The following NBEA variants were observed in gnomAD, a reference collection of about 807,000 sequenced individuals.
NBEA encodes lysosomal-trafficking regulator 2.
Under a neutral mutation model 343.4 loss-of-function variants are expected in NBEA, and 44 were observed. The ratio of observed to expected loss-of-function variants is 0.13; its 90% CI spans 0.10 to 0.16. NBEA has a LOEUF of 0.16. Ranked by LOEUF, NBEA falls within the 10% of genes least tolerant of loss-of-function variation. NBEA has a pLI of 1.00. For synonymous variants in NBEA, 1,175 were observed against 1,238.7 expected, an observed-to-expected ratio of 0.95 and a Z score of 1.08; for missense variants, 2,555 against 3,631.3, an observed-to-expected ratio of 0.70 and a Z score of 7.62.
intron 34 of NBEA, among the ~76,000 whole-genome samples, chr13:35,234,527 G>T (rs928164729): frequency 6.6e-6 from 1 of 152,054 alleles, no homozygotes; most frequent in Non-Finnish European, 1.5e-5. Context: ...AATTAAATAG[G>T]ATATGTGCTA....
chr13:35,268,534 AT>A (rs1473730913), intron 34 of NBEA, among the ~76,000 whole-genome samples: 6 of 152,094 alleles, frequency 3.9e-5, no homozygotes, highest in Admixed American at 3.9e-4. Flanking sequence ...ACAGTAAAAT[AT>A]TGGAAAAAAT....
chr13:35,069,803 A>G, intron 8 of NBEA, 105 bp from the exon 9 acceptor site: 1 of 686,410 alleles, frequency 1.5e-6, no homozygotes, highest in African/African-American at 1.8e-5. Flanking sequence ...TGACACATGA[A>G]AGGTACACAA....
At chr13:35,185,821 A>G (rs1171726965) in intron 30 of NBEA, 2 of 152,156 alleles carry the variant, frequency 1.3e-5, no homozygotes, top group Non-Finnish European at 1.5e-5. Context: ...ACTATGGCAG[A>G]TTATCATAAC....
In NBEA at chr13:35,352,166, G is replaced by A; in HGVS notation, c.6022G>A (p.Ala2008Thr). The A allele has an allele frequency of 6.8e-7, 1 of 1,478,970 alleles. No individual in the cohort carries two copies. Among genetic ancestry groups the A allele is most frequent in the Non-Finnish European group, 9.0e-7 (1 of 1,104,978 alleles). The allele number at this position is 1,478,970 out of a possible 1,614,324, so 91.6% of individuals were successfully genotyped here. Residue 2008 changes from alanine (A) to threonine (T), a missense_variant, in exon 38 of 59, where the codon GCC (alanine) becomes ACC (threonine). By Grantham distance (58) the Ala-to-Thr change is moderately conservative. Transcript: ENST00000379939. Reference protein sequence around the residue: ...HKHAEFESQCAQYAADRREEE... With the variant: ...HKHAEFESQCTQYAADRREEE... ...TTGTATTTCTTTATAGTCACAGTGT[G>A]CCCAATATGCTGCTGATAGAAGAGA...
chr13:35,244,984 G>T (rs2030958138), intron 34 of NBEA, among the ~76,000 whole-genome samples: 1 of 152,050 alleles, frequency 6.6e-6, no homozygotes. Flanking sequence ...TCATTTATCA[G>T]TTCTAGGGGC....
intron 1 of NBEA, among the ~76,000 whole-genome samples, chr13:34,981,358 A>G (rs1208794485): frequency 6.6e-6 from 1 of 152,218 alleles, no homozygotes; most frequent in Admixed American, 6.6e-5. Context: ...GAACATTTGC[A>G]TCTAAGTCTT....
At chr13:35,239,434 A>G (rs979227805) in intron 34 of NBEA, among the ~76,000 whole-genome samples, 1 of 152,144 alleles carries the variant, frequency 6.6e-6, no homozygotes, top group Non-Finnish European at 1.5e-5. Context: ...TGGGGCAGTA[A>G]TTATGTTGGT....
intron 49 of NBEA, among the ~76,000 whole-genome samples, chr13:35,632,750 C>T (rs1250051337): frequency 6.6e-6 from 1 of 151,996 alleles, no homozygotes; most frequent in Non-Finnish European, 1.5e-5. Flanking sequence ...CCCACAACCG[C>T]ACCTGGCTAA....
chr13:35,006,950 G>A (rs988176389), intron 1 of NBEA, among the ~76,000 whole-genome samples: 2 of 152,148 alleles, frequency 1.3e-5, no homozygotes, highest in Non-Finnish European at 2.9e-5. Context: ...GACTTGTGTT[G>A]TCATCTGACT....
intron 39 of NBEA, among the ~76,000 whole-genome samples, chr13:35,434,305 G>T (rs1440415374): frequency 1.3e-5 from 2 of 151,960 alleles, no homozygotes; most frequent in African/African-American, 4.8e-5. Context: ...TTTTGAAATA[G>T]GTAAGAGGTG....
At chr13:34,996,826 A>G (rs1566140131) in intron 1 of NBEA, among the ~76,000 whole-genome samples, 1 of 152,178 alleles carries the variant, frequency 6.6e-6, no homozygotes, top group Non-Finnish European at 1.5e-5. Flanking sequence ...AATAGTATAC[A>G]TGCTCATTGC....
chr13:35,489,348 T>C (rs1399608502), intron 41 of NBEA, among the ~76,000 whole-genome samples: 1 of 151,898 alleles, frequency 6.6e-6, no homozygotes, highest in Non-Finnish European at 1.5e-5. Flanking sequence ...ACTCTTTCTG[T>C]GCTTTGAGGA....
intron 48 of NBEA, among the ~76,000 whole-genome samples, chr13:35,613,608 T>TTTTG (rs139946725): frequency 3.7e-3 from 552 of 150,954 alleles, no homozygotes; most frequent in East Asian, 7.9e-3. Flanking sequence ...TTTTAGTTGT[T>TTTTG]TTTGTTTGTT....
chr13:35,137,295 A>C (rs937161605), intron 17 of NBEA, among the ~76,000 whole-genome samples: 5 of 152,144 alleles, frequency 3.3e-5, no homozygotes, highest in African/African-American at 1.2e-4. Flanking sequence ...CTAAAAATAC[A>C]AACAATTAGC....
At chr13:35,554,570 G>A (rs902975206) in intron 43 of NBEA, among the ~76,000 whole-genome samples, 1 of 152,220 alleles carries the variant, frequency 6.6e-6, no homozygotes. Context: ...AAGGCAAGTC[G>A]AAGAAGTTCA....
chr13:35,449,637 A>G (rs1326379550), intron 39 of NBEA, among the ~76,000 whole-genome samples: 1 of 152,204 alleles, frequency 6.6e-6, no homozygotes, highest in African/African-American at 2.4e-5. Context: ...AAAGATAGCT[A>G]CCCTCAGAAG....
intron 8 of NBEA, among the ~76,000 whole-genome samples, chr13:35,067,149 A>G (rs1413246221): frequency 6.6e-6 from 1 of 152,104 alleles, no homozygotes; most frequent in Non-Finnish European, 1.5e-5. Flanking sequence ...ACTTCATATA[A>G]TTGTGTCTTT....
intron 34 of NBEA, among the ~76,000 whole-genome samples, chr13:35,282,554 A>G (rs917224092): frequency 6.6e-6 from 1 of 152,152 alleles, no homozygotes; most frequent in Admixed American, 6.6e-5. Flanking sequence ...AATTTAACCC[A>G]AAAATAATTG....
chr13:35,321,604 C>T (rs768744810), intron 36 of NBEA, among the ~76,000 whole-genome samples: 1 of 152,014 alleles, frequency 6.6e-6, no homozygotes, highest in African/African-American at 2.4e-5. Context: ...CACTCTGTCC[C>T]TTAGCAGAGC....
Sources: gnomAD v4.1 joint callset for allele counts (sites outside exome capture counted in the v4.1 genomes callset) on GRCh38, gnomAD v4.1.1 for gene constraint, MANE v1.5 for transcripts, NCBI Gene and HGNC (gene_info 2026-07-23, HGNC 2026-07-21) for gene names.